The following LOC400499 variants were observed in gnomAD, a reference collection of about 807,000 sequenced individuals.
chr16:11,443,451 G>C, the LOC400499 span: 1 of 318,234 alleles, frequency 3.1e-6, no homozygotes, highest in African/African-American at 3.0e-5. Context: ...CTAGACAACA[G>C]AGTGAGACTC....
chr16:11,519,804 C>A, the LOC400499 span, among the ~76,000 whole-genome samples: 1 of 151,550 alleles, frequency 6.6e-6, no homozygotes, highest in Non-Finnish European at 1.5e-5. Context: ...CTCCCGGGTT[C>A]AAGCCATTCT....
the LOC400499 span, among the ~76,000 whole-genome samples, chr16:11,434,421 C>G: frequency 2.6e-5 from 4 of 152,042 alleles, no homozygotes; most frequent in African/African-American, 9.7e-5. Context: ...ACTAGAGAGG[C>G]TGAGGGGAAT....
chr16:11,486,811 T>G, the LOC400499 span, among the ~76,000 whole-genome samples: 1 of 38,032 alleles, frequency 2.6e-5, no homozygotes, highest in African/African-American at 1.2e-4. Flanking sequence ...GAATGGATGA[T>G]GGGCGGGCGG....
At chr16:11,404,395 G>T in the LOC400499 span, among the ~76,000 whole-genome samples, 14 of 152,082 alleles carry the variant, frequency 9.2e-5, no homozygotes, top group Non-Finnish European at 8.8e-5. Context: ...CGCTCAGGCT[G>T]GAATGCACTG....
At chr16:11,487,384 ACAC>A in the LOC400499 span, 2 of 399,130 alleles carry the variant, frequency 5.0e-6, no homozygotes, top group Admixed American at 4.4e-5. Context: ...AGGCTGCCAG[ACAC>A]TAGGAGTAAG....
the LOC400499 span, among the ~76,000 whole-genome samples, chr16:11,525,400 G>A: frequency 1.3e-5 from 2 of 151,984 alleles, no homozygotes. Context: ...CATTGGACAT[G>A]GTAAGATATC....
the LOC400499 span, chr16:11,450,697 T>A: frequency 4.6e-6 from 7 of 1,536,030 alleles, no homozygotes; most frequent in Non-Finnish European, 6.1e-6. Flanking sequence ...GACCACCAGG[T>A]CCTTTAGGGT....
the LOC400499 span, among the ~76,000 whole-genome samples, chr16:11,463,807 A>G: frequency 0.75 from 114,471 of 152,040 alleles, 43,677 homozygotes; most frequent in Admixed American, 0.8. Context: ...GTTTGTGTGT[A>G]TGAATATGTG....
the LOC400499 span, among the ~76,000 whole-genome samples, chr16:11,456,561 C>G: frequency 1.3e-5 from 2 of 152,192 alleles, no homozygotes; most frequent in African/African-American, 4.8e-5. Flanking sequence ...TAATTATAAG[C>G]ATCACGGCAC....
the LOC400499 span, among the ~76,000 whole-genome samples, chr16:11,458,194 A>C: frequency 6.6e-6 from 1 of 152,162 alleles, no homozygotes; most frequent in Non-Finnish European, 1.5e-5. Context: ...AAAAATACAA[A>C]AATTAGCCGG....
chr16:11,395,196 C>G, the LOC400499 span, among the ~76,000 whole-genome samples: 1 of 152,188 alleles, frequency 6.6e-6, no homozygotes, highest in South Asian at 2.1e-4. Flanking sequence ...CCATGCCTGC[C>G]TCTGTGTAGC....
At chr16:11,417,761 A>G in the LOC400499 span, 1 of 399,040 alleles carries the variant, frequency 2.5e-6, no homozygotes, top group Middle Eastern at 6.3e-4. Context: ...CTCACAGAGT[A>G]GTTGAGGAAT....
chr16:11,449,201 C>G, the LOC400499 span: 1 of 1,123,156 alleles, frequency 8.9e-7, no homozygotes, highest in Admixed American at 2.7e-5. Flanking sequence ...TGGTGAACTC[C>G]TCTTCATCCC....
the LOC400499 span, among the ~76,000 whole-genome samples, chr16:11,436,228 C>G: frequency 2.0e-5 from 3 of 152,122 alleles, no homozygotes; most frequent in Non-Finnish European, 4.4e-5. Context: ...CTGAAGGGGG[C>G]TGGTGGGGGA....
chr16:11,491,802 G>C, the LOC400499 span: 1 of 398,976 alleles, frequency 2.5e-6, no homozygotes, highest in East Asian at 3.6e-5. Flanking sequence ...ACGGATCTCA[G>C]CATCCTCCTC....
chr16:11,398,605 G>A, the LOC400499 span: 4 of 949,628 alleles, frequency 4.2e-6, no homozygotes, highest in Non-Finnish European at 5.5e-6. Context: ...AAGAGCATGT[G>A]CCAGGAATGT....
At chr16:11,394,158 C>A in the LOC400499 span, among the ~76,000 whole-genome samples, 1 of 152,184 alleles carries the variant, frequency 6.6e-6, no homozygotes, top group South Asian at 2.1e-4. Flanking sequence ...GCATGGGAAC[C>A]ACTGCAAAGG....
chr16:11,480,478 C>T, the LOC400499 span, among the ~76,000 whole-genome samples: 2 of 152,158 alleles, frequency 1.3e-5, no homozygotes, highest in Non-Finnish European at 2.9e-5. Flanking sequence ...ATGGCAATGA[C>T]ATTTTATAAG....
At chr16:11,458,415 G>C in the LOC400499 span, among the ~76,000 whole-genome samples, 1 of 151,532 alleles carries the variant, frequency 6.6e-6, no homozygotes, top group African/African-American at 2.4e-5. Flanking sequence ...TGAGGCAGGA[G>C]AATCGCTTGA....
Sources: allele counts gnomAD v4.1 joint callset (sites outside exome capture counted in the v4.1 genomes callset), GRCh38; gene constraint gnomAD v4.1.1; transcripts MANE v1.5.